CENPQ: variants seen among roughly 807,000 people sequenced by gnomAD.
CENPQ encodes the protein centromere protein Q.
In CENPQ, 27 loss-of-function variants were observed where a neutral mutation model predicts 36.6. That is an observed-to-expected ratio of 0.74 (90% CI 0.54 to 1.02). The LOEUF (loss-of-function observed/expected upper bound fraction) is 1.02, where lower values mean the gene tolerates loss of function less well. Ranked by LOEUF, CENPQ falls within the 50% of genes least tolerant of loss-of-function variation. CENPQ has a pLI of 0.00. For synonymous variants in CENPQ, 101 were observed against 101.7 expected (o/e 0.99, Z 0.04); for missense variants, 306 against 301.8 (o/e 1.01, Z -0.10).
rs547809174 is a variant in CENPQ at position 49,475,192 on chromosome 6, G to C, written c.347+2334G>C. Among the ~76,000 whole-genome samples, 22 of 152,244 alleles carry C rather than the reference G, an allele frequency of 1.4e-4. No individual in the cohort carries two copies. The East Asian group carries it at 4.2e-3, about 29-fold the overall frequency. On this transcript the variant is annotated intron_variant, in intron 5 of 8. Transcript: ENST00000335783. The stretch of plus-strand genomic sequence containing the variant: ...ATGCAGAAATCCTCAATAAAATACT[G>C]GCAAACCAAATCCAGCAGCACATCA...
chr6:49,472,691 T>TG, intron 4 of CENPQ, 99 bp from the exon 5 acceptor site: 1 of 936,382 alleles, frequency 1.1e-6, no homozygotes, highest in South Asian at 3.3e-5. Flanking sequence ...GCCTGGCTAG[T>TG]GGGGAGGGGT....
At chr6:49,482,336 G>A (rs1335194801) in intron 6 of CENPQ, among the ~76,000 whole-genome samples, 4 of 152,186 alleles carry the variant, frequency 2.6e-5, no homozygotes, top group African/African-American at 7.2e-5. Flanking sequence ...CAGAGGAGGC[G>A]CCGAGAGTGA....
At chr6:49,467,658 TTGAA>T (rs1375058605) in intron 1 of CENPQ, among the ~76,000 whole-genome samples, 4 of 152,186 alleles carry the variant, frequency 2.6e-5, no homozygotes, top group African/African-American at 7.2e-5. Flanking sequence ...GGCAAACAGT[TTGAA>T]TGAGATTTGG....
intron 8 of CENPQ, among the ~76,000 whole-genome samples, chr6:49,490,900 T>TA (rs1768707132): frequency 6.6e-6 from 1 of 152,196 alleles, no homozygotes; most frequent in South Asian, 2.1e-4. Flanking sequence ...CCAGAACAAT[T>TA]ACAGCAGTTC....
intron 6 of CENPQ, among the ~76,000 whole-genome samples, chr6:49,485,164 A>G (rs750412095): frequency 1.3e-5 from 2 of 152,222 alleles, no homozygotes; most frequent in Non-Finnish European, 2.9e-5. Context: ...ATCTGTATTC[A>G]TTAGTTTTCT....
In CENPQ at chr6:49,481,004, T is replaced by G. The variant is rs752631159; in HGVS notation, c.401T>G (p.Leu134Ter). The part of the protein sequence containing the change: ...LKVPPKKMED[L>*]TNVSSLLNME... ...GTCCCTCCCAAAAAGATGGAAGATT[T>G]AACTAATGTATCAAGTCTACTGAAT... The change falls in exon 6 of 9, where the codon TTA (leucine) becomes TGA (stop). Residue 134 changes from leucine (L) to a stop codon, truncating the protein, a stop_gained. Coordinates refer to ENST00000335783, the MANE Select transcript of CENPQ (RefSeq NM_018132.4). LOFTEE classifies it high-confidence loss of function. 6.2e-7 allele frequency: 1 copy of G among 1,609,898 alleles called. No individual in the cohort carries two copies.
rs1385874746 is a variant in CENPQ at position 49,477,360 on chromosome 6, A to T, written c.348-3591A>T. Among the ~76,000 whole-genome samples the T allele has an allele frequency of 3.4e-5, 5 of 147,364 alleles. No homozygotes were observed. The Admixed American group carries it at 3.4e-4, about 10-fold the overall frequency. On this transcript the variant is annotated intron_variant, in intron 5 of 8. Transcript: ENST00000335783. ...CCGCATATTCTCACTCATAGGTGTGAATTGAACAATGAGAACACCTGGGCA... is the reference window on the plus strand; with the variant it reads ...CCGCATATTCTCACTCATAGGTGTGTATTGAACAATGAGAACACCTGGGCA...
chr6:49,482,288 G>A (rs1768453804), intron 6 of CENPQ, among the ~76,000 whole-genome samples: 1 of 152,212 alleles, frequency 6.6e-6, no homozygotes, highest in Admixed American at 6.5e-5. Context: ...GCGGTGGGCT[G>A]AAGGGCTCCT....
intron 3 of CENPQ, 53 bp from the exon 4 acceptor site, chr6:49,472,010 A>G: frequency 6.6e-7 from 1 of 1,516,270 alleles, no homozygotes; most frequent in Non-Finnish European, 8.8e-7. Context: ...TTTTTAAGCA[A>G]AAACATGTAA....
At chr6:49,477,189 G>T (rs1198955289) in intron 5 of CENPQ, among the ~76,000 whole-genome samples, 1 of 152,130 alleles carries the variant, frequency 6.6e-6, no homozygotes, top group Admixed American at 6.5e-5. Flanking sequence ...ATCAATGATA[G>T]ACTGGATTAA....
chr6:49,474,332 G>A (rs992685167), intron 5 of CENPQ, among the ~76,000 whole-genome samples: 1 of 152,126 alleles, frequency 6.6e-6, no homozygotes, highest in Non-Finnish European at 1.5e-5. Context: ...AGACCACAGT[G>A]CAATCAAACT....
chr6:49,464,069 T>A (rs2127422079), intron 1 of CENPQ, among the ~76,000 whole-genome samples: 2 of 152,348 alleles, frequency 1.3e-5, no homozygotes, highest in Middle Eastern at 6.8e-3. Context: ...TTCATTTTTC[T>A]ACTTTTTGGC....
At chr6:49,482,642 A>T (rs1768466445) in intron 6 of CENPQ, among the ~76,000 whole-genome samples, 2 of 134,458 alleles carry the variant, frequency 1.5e-5, no homozygotes, top group South Asian at 4.6e-4. Context: ...AGTGATAGGC[A>T]ATGGTCTCAC....
intron 8 of CENPQ, among the ~76,000 whole-genome samples, chr6:49,491,925 AAAAC>A (rs921806596): frequency 1.1e-4 from 17 of 152,186 alleles, no homozygotes; most frequent in Non-Finnish European, 1.3e-4. Context: ...CAAAAAAACA[AAAAC>A]AAACAAACAA....
chr6:49,490,329 A>T (rs1768690445), intron 8 of CENPQ, among the ~76,000 whole-genome samples: 1 of 152,128 alleles, frequency 6.6e-6, no homozygotes, highest in Non-Finnish European at 1.5e-5. Flanking sequence ...TTATGAACTA[A>T]CTTCTGCTAG....
intron 8 of CENPQ, among the ~76,000 whole-genome samples, chr6:49,489,937 C>G (rs764359148): frequency 6.6e-6 from 1 of 152,178 alleles, no homozygotes; most frequent in Non-Finnish European, 1.5e-5. Flanking sequence ...GTTCCATTTA[C>G]AGAGCACAGA....
chr6:49,491,110 C>T (rs1203472876), intron 8 of CENPQ, among the ~76,000 whole-genome samples: 11 of 152,178 alleles, frequency 7.2e-5, no homozygotes, highest in Admixed American at 6.5e-4. Flanking sequence ...TCTGGGAACA[C>T]GGTAAAATGA....
rs751545355 is a variant in CENPQ, at chr6:49,488,442, G to A, written c.568G>A (p.Val190Met). The change falls in exon 7 of 9, where the codon GTG becomes ATG. Residue 190 changes from valine to methionine, a missense_variant. Transcript: ENST00000335783. Reference protein sequence around the residue: ...KNKIQILASEVEEEEERVKQM... With the variant: ...KNKIQILASEMEEEEERVKQM... ...CAAAATTCAGATTCTGGCAAGTGAG[G>A]TGGAAGAAGAAGAGGAGAGAGTAAA... 1.3e-5 allele frequency: 21 copies of A among 1,613,074 alleles called. No homozygotes were observed. The highest frequency in any genetic ancestry group is 1.4e-5 in the Non-Finnish European group (17 of 1,179,352).
chr6:49,485,179 T>C (rs1768545102), intron 6 of CENPQ, among the ~76,000 whole-genome samples: 1 of 152,248 alleles, frequency 6.6e-6, no homozygotes, highest in South Asian at 2.1e-4. Context: ...TTTTCTCCTC[T>C]GTGCCTTAGA....
Sources: allele counts gnomAD v4.1 joint callset (sites outside exome capture counted in the v4.1 genomes callset), GRCh38; gene constraint gnomAD v4.1.1; transcripts MANE v1.5; gene names NCBI Gene and HGNC (gene_info 2026-07-23, HGNC 2026-07-21).